Variants in MYO18B observed in about 807,000 individuals in gnomAD.
MYO18B encodes unconventional myosin-XVIIIb.
A neutral mutation model predicts 273.0 loss-of-function variants in MYO18B; 204 were observed. That is an observed-to-expected ratio of 0.75 (90% CI 0.67 to 0.84). The LOEUF is 0.84. Ranked by LOEUF, MYO18B falls within the 40% of genes least tolerant of loss-of-function variation. The probability of loss-of-function intolerance (pLI) is 0.00; values close to 1 mark genes in which losing one functional copy is unlikely to be tolerated. For synonymous variants in MYO18B, 1,330 were observed against 1,305.7 expected, an observed-to-expected ratio of 1.02 and a Z score of -0.40; for missense variants, 3,212 against 3,287.6, an observed-to-expected ratio of 0.98 and a Z score of 0.56.
chr22:25,821,243 C>T (rs531636457), intron 12 of MYO18B, among the ~76,000 whole-genome samples: 2 of 151,624 alleles, frequency 1.3e-5, no homozygotes, highest in East Asian at 1.9e-4. Context: ...AGGAAAGTTC[C>T]TACTGCTCTC....
chr22:25,888,142 A>G (rs182440151), intron 25 of MYO18B, among the ~76,000 whole-genome samples: 2 of 152,312 alleles, frequency 1.3e-5, no homozygotes, highest in East Asian at 1.9e-4. Flanking sequence ...GGCAGTTTCT[A>G]TGGCAGTAAT....
chr22:25,799,671 C>T (rs1313753245), intron 12 of MYO18B, among the ~76,000 whole-genome samples: 1 of 152,162 alleles, frequency 6.6e-6, no homozygotes, highest in Non-Finnish European at 1.5e-5. Flanking sequence ...TTTCCGTCAT[C>T]CCCACATTCC....
chr22:25,878,058 T>A lies in MYO18B; in HGVS notation c.4314+10T>A, dbSNP rs145106992. 5.4e-3 allele frequency: 8,507 copies of A among 1,568,920 alleles called. 38 individuals carry two copies. The highest frequency in any genetic ancestry group is 6.3e-3 in the Non-Finnish European group (7,246 of 1,155,948). On this transcript the variant is annotated intron_variant, in intron 25 of 43. Transcript: ENST00000335473. Reference sequence around the variant, plus strand: ...TCTGCTAGAAAGCAAGGTATCCCCATCCCTCCTCTTGGGTCCTTGTGGGGG... The same window carrying A: ...TCTGCTAGAAAGCAAGGTATCCCCAACCCTCCTCTTGGGTCCTTGTGGGGG...
intron 19 of MYO18B, among the ~76,000 whole-genome samples, chr22:25,846,701 G>A (rs751849642): frequency 5.3e-5 from 8 of 152,222 alleles, no homozygotes; most frequent in Admixed American, 6.5e-5. Context: ...ATGTGAATCC[G>A]TGAATAAATG....
intron 10 of MYO18B, among the ~76,000 whole-genome samples, chr22:25,782,719 G>A (rs1471856004): frequency 2.0e-5 from 3 of 152,200 alleles, no homozygotes; most frequent in Admixed American, 6.5e-5. Flanking sequence ...CCCATCTGAA[G>A]GACAGCCTCA....
At chr22:25,779,932 C>T (rs1044350007) in intron 8 of MYO18B, 124 bp from the exon 9 acceptor site, 20 of 1,274,758 alleles carry the variant, frequency 1.6e-5, no homozygotes, top group East Asian at 2.6e-5. Flanking sequence ...GGAAGCCCAC[C>T]GGGGGCTGAG....
In MYO18B at chr22:25,770,014, A is replaced by G. The variant is rs573097571; in HGVS notation, c.1513-96A>G. The G allele has an allele frequency of 7.0e-5, 88 of 1,266,102 alleles. No homozygotes were observed. In the African/African-American group the frequency reaches 8.6e-4, roughly 12 times the overall value. The allele number at this position is 1,266,102 out of a possible 1,614,324, so 78.4% of individuals were successfully genotyped here. ...TCTCCCCCAGGAGATTCTGGTTTAG[A>G]TGGCTCCAGAGCACACTGTGAGAAA... On this transcript the variant is annotated intron_variant, in intron 4 of 43. Transcript: ENST00000335473.
intron 11 of MYO18B, among the ~76,000 whole-genome samples, chr22:25,790,114 C>T (rs1420119972): frequency 6.6e-6 from 1 of 152,166 alleles, no homozygotes; most frequent in East Asian, 1.9e-4. Flanking sequence ...GATTGCGCCA[C>T]TGCACTCCAG....
At chr22:25,994,123 C>T (rs1019601947) in intron 40 of MYO18B, among the ~76,000 whole-genome samples, 1 of 152,166 alleles carries the variant, frequency 6.6e-6, no homozygotes, top group East Asian at 1.9e-4. Flanking sequence ...TCTCCAGTAA[C>T]GATGTCTGCG....
At chr22:25,894,158 C>G (rs1030432663) in intron 27 of MYO18B, among the ~76,000 whole-genome samples, 1 of 152,236 alleles carries the variant, frequency 6.6e-6, no homozygotes, top group African/African-American at 2.4e-5. Context: ...TTCTGGATTT[C>G]TATAAGCTTC....
In MYO18B at chr22:25,868,507, G is replaced by A; in HGVS notation, c.3951+122G>A. 1.1e-5 allele frequency: 9 copies of A among 795,420 alleles called. No individual in the cohort carries two copies. The South Asian group carries it at 1.6e-4, about 14-fold the overall frequency. The allele number at this position is 795,420 out of a possible 1,614,324, so 49.3% of individuals were successfully genotyped here. On this transcript the variant is annotated intron_variant, in intron 22 of 43. Transcript: ENST00000335473. ...ACGTCTCCTTTTTCCCAAACTGAAG[G>A]TAGAGCTAATGATTTTCTGCCCTGC...
In MYO18B at chr22:26,004,718, G is replaced by A. The variant is rs764159193; in HGVS notation, c.6333G>A (p.Met2111Ile). Residue 2111 changes from methionine (M) to isoleucine (I), a missense_variant and splice_region_variant, in exon 42 of 44, where the codon ATG (methionine) becomes ATA (isoleucine). Coordinates refer to ENST00000335473, the MANE Select transcript of MYO18B (RefSeq NM_032608.7). ...VDCGSSGRKE[M>I]DNVSILSSQP... Reference sequence around the variant, plus strand: ...ATGGTGTCCTGCAATCTTATTCTAGGGATAACGTCTCCATCCTCAGCTCCC... The same window carrying A: ...ATGGTGTCCTGCAATCTTATTCTAGAGATAACGTCTCCATCCTCAGCTCCC... The A allele has an allele frequency of 9.3e-6, 15 of 1,613,494 alleles. No homozygotes were observed. Among genetic ancestry groups the A allele is most frequent in the Non-Finnish European group, 1.3e-5 (15 of 1,179,690 alleles).
the MYO18B span, among the ~76,000 whole-genome samples, chr22:26,061,136 T>C: frequency 6.6e-6 from 1 of 152,216 alleles, no homozygotes; most frequent in Non-Finnish European, 1.5e-5. Flanking sequence ...GACCCTGGAC[T>C]CCAGTAACAC....
chr22:25,868,361 G>A lies in MYO18B; in HGVS notation c.3927G>A (p.Lys1309=), dbSNP rs748676606. The A allele has an allele frequency of 1.1e-5, 18 of 1,602,348 alleles. No individual in the cohort carries two copies. Among genetic ancestry groups the A allele is most frequent in the Non-Finnish European group, 1.4e-5 (17 of 1,174,544 alleles). Reference sequence around the variant, plus strand: ...TGGAGACCCTGGATCTGGAAAAGAAGGCGGTGGCTGTGGGGCACAGCCAAG... The same window carrying A: ...TGGAGACCCTGGATCTGGAAAAGAAAGCGGTGGCTGTGGGGCACAGCCAAG... ...ELLETLDLEK[K]AVAVGHSQVF... The change falls in exon 22 of 44, where the codon AAG becomes AAA. Residue 1309 remains lysine (K), a synonymous_variant. Coordinates refer to ENST00000335473, the MANE Select transcript of MYO18B (RefSeq NM_032608.7).
At chr22:25,753,419 C>G (rs1407032422) in intron 1 of MYO18B, among the ~76,000 whole-genome samples, 1 of 152,162 alleles carries the variant, frequency 6.6e-6, no homozygotes, top group African/African-American at 2.4e-5. Flanking sequence ...CTTTGTAAAA[C>G]GGACCAATCA....
intron 39 of MYO18B, among the ~76,000 whole-genome samples, chr22:25,978,593 C>G (rs1202119518): frequency 1.3e-5 from 2 of 152,120 alleles, no homozygotes; most frequent in East Asian, 3.8e-4. Flanking sequence ...GAGATTCCTC[C>G]TTGGAGGCTT....
chr22:26,016,703 G>A (rs536358397), intron 42 of MYO18B, among the ~76,000 whole-genome samples: 1 of 152,086 alleles, frequency 6.6e-6, no homozygotes, highest in Non-Finnish European at 1.5e-5. Context: ...TGATGCTGGG[G>A]ATTCATAGAA....
intron 25 of MYO18B, among the ~76,000 whole-genome samples, chr22:25,881,195 T>A (rs1212410374): frequency 6.6e-6 from 1 of 152,234 alleles, no homozygotes; most frequent in African/African-American, 2.4e-5. Context: ...CTTCTTCTCA[T>A]CTTCCCTGTA....
chr22:25,793,232 T>C lies in MYO18B; in HGVS notation c.2377-4721T>C, dbSNP rs182270465. ...GGAGGATGCTAAGATATGATTTCCA[T>C]TTTATTTATGTATTTTGTTTGAGAC... On this transcript the variant is annotated intron_variant, in intron 11 of 43. Transcript: ENST00000335473. Among the ~76,000 whole-genome samples, 4 of 152,208 alleles carry C rather than the reference T, an allele frequency of 2.6e-5. No homozygotes were observed. In the East Asian group the frequency reaches 7.7e-4, roughly 29 times the overall value.
Sources: gnomAD v4.1 joint callset for allele counts (sites outside exome capture counted in the v4.1 genomes callset) on GRCh38, gnomAD v4.1.1 for gene constraint, MANE v1.5 for transcripts, NCBI Gene and HGNC (gene_info 2026-07-23, HGNC 2026-07-21) for gene names.